The following THSD4 variants were observed in gnomAD, a reference collection of about 807,000 sequenced individuals.
THSD4 encodes thrombospondin type-1 domain-containing protein 4.
In THSD4, 69 loss-of-function variants were observed where a neutral mutation model predicts 119.0. That is an observed-to-expected ratio of 0.58 (90% CI 0.48 to 0.71). THSD4 has a LOEUF of 0.71. THSD4 is among the 30% of genes least tolerant of loss of function. The probability of loss-of-function intolerance (pLI) is 0.00; values close to 1 mark genes in which losing one functional copy is unlikely to be tolerated. For missense variants in THSD4, 1,393 were observed against 1,391.1 expected (o/e 1.00, Z -0.02); for synonymous variants, 524 against 540.4 (o/e 0.97, Z 0.42).
intron 4 of THSD4, among the ~76,000 whole-genome samples, chr15:71,234,134 C>T (rs985305214): frequency 6.6e-5 from 10 of 152,218 alleles, no homozygotes; most frequent in African/African-American, 2.4e-4. Context: ...GTGGGCCCCT[C>T]CACCTTGATG....
At chr15:71,272,307 C>T (rs184102135) in intron 6 of THSD4, among the ~76,000 whole-genome samples, 106 of 144,702 alleles carry the variant, frequency 7.3e-4, no homozygotes, top group Middle Eastern at 3.7e-3. Context: ...AGGCCAAAGC[C>T]GAATTGCTTG....
chr15:71,245,309 C>T (rs2044190507), intron 5 of THSD4, among the ~76,000 whole-genome samples: 1 of 152,276 alleles, frequency 6.6e-6, no homozygotes, highest in African/African-American at 2.4e-5. Context: ...GATGTCATTC[C>T]TTAGAGGTTC....
At position 71,765,795 on chromosome 15, in the gene THSD4, T is replaced by TGC. The variant is rs1465876196; in HGVS notation, c.2769+597_2769+598insCG. ...AACACACACGCACACACTCTCTGTG[T>TGC]GTGTGTGTGTGTGTGTGTGTGTGTG... On this transcript the variant is annotated intron_variant, in intron 16 of 17. Coordinates refer to ENST00000261862, the MANE Select transcript of THSD4 (RefSeq NM_024817.3). Among the ~76,000 whole-genome samples the TGC allele has an allele frequency of 5.6e-5, 6 of 107,166 alleles. No individual in the cohort carries two copies. The East Asian group carries it at 1.6e-3, about 29-fold the overall frequency. The allele number at this position is 107,166 out of a possible 152,430, so 70.3% of individuals were successfully genotyped here.
At chr15:71,672,969 C>T (rs922425759) in intron 8 of THSD4, among the ~76,000 whole-genome samples, 1 of 152,130 alleles carries the variant, frequency 6.6e-6, no homozygotes, top group African/African-American at 2.4e-5. Context: ...TGTGTCTCTG[C>T]CAGGCTTTGG....
intron 7 of THSD4, among the ~76,000 whole-genome samples, chr15:71,557,523 G>A (rs78037073): frequency 0.046 from 6,922 of 152,074 alleles, 228 homozygotes; most frequent in Middle Eastern, 0.1. Flanking sequence ...GTTTTCTAAT[G>A]TCTGGAGGAT....
intron 1 of THSD4, among the ~76,000 whole-genome samples, chr15:71,106,283 C>G (rs892583415): frequency 1.3e-5 from 2 of 152,184 alleles, no homozygotes; most frequent in Non-Finnish European, 2.9e-5. Context: ...CACAGCTGCT[C>G]TTCAAGACCA....
intron 6 of THSD4, among the ~76,000 whole-genome samples, chr15:71,348,811 G>A (rs2045703781): frequency 6.6e-6 from 1 of 152,190 alleles, no homozygotes; most frequent in Admixed American, 6.5e-5. Flanking sequence ...ATTCCAACAA[G>A]GAGTTACATA....
At chr15:71,488,407 T>C (rs1434619456) in intron 7 of THSD4, among the ~76,000 whole-genome samples, 1 of 152,234 alleles carries the variant, frequency 6.6e-6, no homozygotes. Context: ...GAAATCTTTG[T>C]TGCATGATGT....
chr15:71,643,576 C>T (rs527603657), intron 7 of THSD4, among the ~76,000 whole-genome samples: 3 of 152,262 alleles, frequency 2.0e-5, no homozygotes, highest in South Asian at 4.1e-4. Context: ...GTTTTCTGTT[C>T]CTGCATTAGT....
chr15:71,729,174 A>G (rs2052925279), intron 9 of THSD4: 1 of 166,510 alleles, frequency 6.0e-6, no homozygotes, highest in South Asian at 1.6e-4. Context: ...TGAAGAAAGG[A>G]GAGCTCCAGA....
intron 7 of THSD4, among the ~76,000 whole-genome samples, chr15:71,649,565 T>C (rs2051042114): frequency 6.6e-6 from 1 of 152,202 alleles, no homozygotes; most frequent in Non-Finnish European, 1.5e-5. Flanking sequence ...GCATGAGCCG[T>C]GCACCAGCCT....
At chr15:71,464,967 A>G (rs1003559282) in intron 7 of THSD4, among the ~76,000 whole-genome samples, 32 of 152,048 alleles carry the variant, frequency 2.1e-4, no homozygotes, top group African/African-American at 7.5e-4. Flanking sequence ...CCCCGTGAGT[A>G]AGTAAGAAAT....
chr15:71,717,584 T>C (rs1324558429), intron 8 of THSD4, among the ~76,000 whole-genome samples: 28 of 121,604 alleles, frequency 2.3e-4, no homozygotes, highest in Admixed American at 2.1e-3. Flanking sequence ...AACTTAAATA[T>C]GGCATTTAGC....
intron 3 of THSD4, among the ~76,000 whole-genome samples, chr15:71,199,690 G>GGT (rs2043766202): frequency 1.3e-3 from 75 of 58,940 alleles, no homozygotes; most frequent in Admixed American, 2.0e-3. Flanking sequence ...GTGTGTGTGT[G>GGT]GTGTGTGTGG....
At chr15:71,583,590 G>A (rs549022122) in intron 7 of THSD4, among the ~76,000 whole-genome samples, 1 of 151,478 alleles carries the variant, frequency 6.6e-6, no homozygotes, top group African/African-American at 2.4e-5. Flanking sequence ...TATAAGTTTT[G>A]ATATGTTGTG....
chr15:71,411,135 A>C (rs1199457166), intron 6 of THSD4, among the ~76,000 whole-genome samples: 1 of 152,184 alleles, frequency 6.6e-6, no homozygotes, highest in Non-Finnish European at 1.5e-5. Context: ...TTTTGCACCA[A>C]CGTAATTAAT....
At chr15:71,367,787 G>C (rs1292097684) in intron 6 of THSD4, among the ~76,000 whole-genome samples, 1 of 152,164 alleles carries the variant, frequency 6.6e-6, no homozygotes, top group Admixed American at 6.5e-5. Flanking sequence ...ATAATGCTTT[G>C]GCTATATACA....
At chr15:71,275,147 G>T (rs2044575653) in intron 6 of THSD4, among the ~76,000 whole-genome samples, 1 of 152,056 alleles carries the variant, frequency 6.6e-6, no homozygotes, top group South Asian at 2.1e-4. Context: ...CTGGGTCACA[G>T]AACAACAGAG....
intron 4 of THSD4, among the ~76,000 whole-genome samples, chr15:71,223,882 G>C (rs1034027770): frequency 4.6e-5 from 7 of 152,142 alleles, no homozygotes; most frequent in African/African-American, 7.2e-5. Context: ...ATGGGAAAGA[G>C]CTGGGAAAGG....
Sources: allele counts gnomAD v4.1 joint callset (sites outside exome capture counted in the v4.1 genomes callset), GRCh38; gene constraint gnomAD v4.1.1; transcripts MANE v1.5; gene names NCBI Gene and HGNC (gene_info 2026-07-23, HGNC 2026-07-21).